The following PIGK variants were observed in gnomAD, a reference collection of about 807,000 sequenced individuals.
PIGK encodes phosphatidylinositol glycan anchor biosynthesis class K.
PIGK carries 42 observed loss-of-function variants against 50.6 expected under a neutral mutation model. That is an observed-to-expected ratio of 0.83 (90% CI 0.65 to 1.07). The LOEUF is 1.07. Ranked by LOEUF, PIGK falls within the 50% of genes least tolerant of loss-of-function variation. PIGK has a pLI of 0.00. For missense variants in PIGK, 448 were observed against 488.7 expected (o/e 0.92, Z 0.78); for synonymous variants, 151 against 156.0 (o/e 0.97, Z 0.24).
In PIGK at chr1:77,091,107, A is replaced by C. The variant is rs1185034812; in HGVS notation, c.*1267T>G. 6.6e-6 allele frequency: 1 copy of C among 152,238 alleles called. No homozygotes were observed. Among genetic ancestry groups the C allele is most frequent in the Non-Finnish European group, 1.5e-5 (1 of 68,042 alleles). The allele number at this position is 152,238 out of a possible 1,614,324, so 9.4% of individuals were successfully genotyped here. ...AAAAAAAAATCTTTGCACTGAATAA[A>C]GATGAACACATAAATTCTTGCATAA... On this transcript the variant is annotated 3_prime_UTR_variant, in exon 11 of 11. Coordinates refer to ENST00000370812, the MANE Select transcript of PIGK (RefSeq NM_005482.3).
chr1:77,111,926 A>G (rs1262814948), intron 10 of PIGK, among the ~76,000 whole-genome samples: 2 of 152,130 alleles, frequency 1.3e-5, no homozygotes, highest in East Asian at 3.9e-4. Flanking sequence ...TGGATATAGA[A>G]TTGGTAAATA....
chr1:77,206,616 T>G, intron 3 of PIGK, 24 bp downstream of exon 3: 1 of 1,262,132 alleles, frequency 7.9e-7, no homozygotes, highest in South Asian at 1.2e-5. Context: ...AAGTTCAAGG[T>G]TAAGCTTTAT....
At chr1:77,216,900 C>T (rs1213031797) in intron 1 of PIGK, among the ~76,000 whole-genome samples, 1 of 152,018 alleles carries the variant, frequency 6.6e-6, no homozygotes. Context: ...GATGGCAAAA[C>T]TTTTTTGTGG....
chr1:77,123,387 ACTC>A, intron 9 of PIGK, among the ~76,000 whole-genome samples: 2 of 152,182 alleles, frequency 1.3e-5, no homozygotes, highest in Non-Finnish European at 2.9e-5. Context: ...TCTAATGAGA[ACTC>A]TAGAATCTCT....
rs1173021820 is a variant in PIGK at position 77,166,703 on chromosome 1, T to C, written c.487+16A>G. The C allele has an allele frequency of 7.7e-7, 1 of 1,300,982 alleles. No homozygotes were observed. The highest frequency in any genetic ancestry group is 1.1e-6 in the Non-Finnish European group (1 of 917,610). The allele number at this position is 1,300,982 out of a possible 1,614,324, so 80.6% of individuals were successfully genotyped here. A position where few individuals can be genotyped will look rare whatever the true frequency, so the allele number is the denominator to read the frequency against. On this transcript the variant is annotated intron_variant, in intron 5 of 10. Coordinates refer to ENST00000370812, the MANE Select transcript of PIGK (RefSeq NM_005482.3). Reference sequence around the variant, plus strand: ...TCAATATACTCTACTATAAAAACTCTAAATTATGAAATTACCTGTCATATA... The same window carrying C: ...TCAATATACTCTACTATAAAAACTCCAAATTATGAAATTACCTGTCATATA...
chr1:77,163,234 T>C (rs933045761), intron 6 of PIGK, among the ~76,000 whole-genome samples: 4 of 152,184 alleles, frequency 2.6e-5, no homozygotes, highest in Non-Finnish European at 5.9e-5. Context: ...TTCCATTAGA[T>C]TGTAAACACT....
At chr1:77,105,178 C>T (rs1653638276) in intron 10 of PIGK, among the ~76,000 whole-genome samples, 1 of 152,070 alleles carries the variant, frequency 6.6e-6, no homozygotes, top group Non-Finnish European at 1.5e-5. Context: ...GTCATCTTCC[C>T]TGAAGTCAGG....
At chr1:77,214,134 A>G (rs1656493365) in intron 1 of PIGK, among the ~76,000 whole-genome samples, 1 of 152,158 alleles carries the variant, frequency 6.6e-6, no homozygotes. Flanking sequence ...TTCTCAAACT[A>G]TCCCAAAAAA....
rs190597341 is a variant in PIGK, at chr1:77,208,375, G to C, written c.148-1644C>G. On this transcript the variant is annotated intron_variant, in intron 2 of 10. Transcript: ENST00000370812. ...CTTTTTCATCTTTTATTTTTTACCA[G>C]GTTACTGAAATTGAAGAGAGGTTTG... 1.7e-3 allele frequency among the ~76,000 whole-genome samples: 254 copies of C among 152,178 alleles called. 1 individual carries two copies. Among genetic ancestry groups the C allele is most frequent in the African/African-American group, 5.8e-3 (242 of 41,522 alleles).
At chr1:77,195,596 G>A (rs370724164) in intron 3 of PIGK, among the ~76,000 whole-genome samples, 4 of 152,046 alleles carry the variant, frequency 2.6e-5, no homozygotes, top group Admixed American at 1.3e-4. Flanking sequence ...GGAACTTCAC[G>A]GGCTCCAGTA....
intron 9 of PIGK, among the ~76,000 whole-genome samples, chr1:77,132,029 A>G (rs886147114): frequency 2.0e-5 from 3 of 152,050 alleles, no homozygotes; most frequent in Admixed American, 2.0e-4. Context: ...TACATGTTTT[A>G]TACAATTAAA....
rs560913619 is a variant in PIGK at position 77,210,987 on chromosome 1, T to A, written c.94-498A>T. 1.4e-4 allele frequency among the ~76,000 whole-genome samples: 21 copies of A among 152,174 alleles called. No individual in the cohort carries two copies. The South Asian group carries it at 4.4e-3, about 32-fold the overall frequency. On this transcript the variant is annotated intron_variant, in intron 1 of 10. Coordinates refer to ENST00000370812, the MANE Select transcript of PIGK (RefSeq NM_005482.3). ...ATTATTAAGAAAGTAGAATGTATGT[T>A]CAATTAAGAACGTACAATCTGCTTG...
chr1:77,190,610 A>G (rs994404510), intron 3 of PIGK, among the ~76,000 whole-genome samples: 4 of 152,204 alleles, frequency 2.6e-5, no homozygotes, highest in Non-Finnish European at 5.9e-5. Flanking sequence ...GCACTAGAGC[A>G]TATAATTTCA....
intron 9 of PIGK, among the ~76,000 whole-genome samples, chr1:77,152,777 C>A (rs1654921654): frequency 6.6e-6 from 1 of 151,968 alleles, no homozygotes; most frequent in African/African-American, 2.4e-5. Flanking sequence ...AAAAAATGCT[C>A]AAAATCACTA....
chr1:77,215,523 A>C (rs1245636988), intron 1 of PIGK, among the ~76,000 whole-genome samples: 1 of 152,178 alleles, frequency 6.6e-6, no homozygotes, highest in Non-Finnish European at 1.5e-5. Context: ...GCTCCTCAAA[A>C]CACTCAAAAT....
chr1:77,109,095 T>C (rs920259799), intron 10 of PIGK, among the ~76,000 whole-genome samples: 1 of 152,124 alleles, frequency 6.6e-6, no homozygotes, highest in Non-Finnish European at 1.5e-5. Flanking sequence ...AGTAACAGGC[T>C]CTGAAATTGA....
chr1:77,189,902 T>C (rs1655858982), intron 3 of PIGK, among the ~76,000 whole-genome samples: 1 of 151,690 alleles, frequency 6.6e-6, no homozygotes, highest in Admixed American at 6.6e-5. Context: ...AAGCATTATC[T>C]CATACACTAT....
chr1:77,135,685 T>C (rs1345353538), intron 9 of PIGK, among the ~76,000 whole-genome samples: 3 of 151,974 alleles, frequency 2.0e-5, no homozygotes, highest in Admixed American at 6.6e-5. Flanking sequence ...ATGTTTCTGA[T>C]CTTATTTCCT....
At chr1:77,119,251 A>T (rs1654043365) in intron 10 of PIGK, among the ~76,000 whole-genome samples, 1 of 152,236 alleles carries the variant, frequency 6.6e-6, no homozygotes, top group Non-Finnish European at 1.5e-5. Context: ...GAGAATTTAC[A>T]CTTATACTTT....
Sources: gnomAD v4.1 joint callset for allele counts (sites outside exome capture counted in the v4.1 genomes callset) on GRCh38, gnomAD v4.1.1 for gene constraint, MANE v1.5 for transcripts, NCBI Gene and HGNC (gene_info 2026-07-23, HGNC 2026-07-21) for gene names.